THBS2: variants seen among roughly 807,000 people sequenced by gnomAD.
THBS2 encodes the protein thrombospondin-2.
THBS2 carries 47 observed loss-of-function variants against 135.2 expected under a neutral mutation model. That is an observed-to-expected ratio of 0.35 (90% CI 0.28 to 0.44). The LOEUF (loss-of-function observed/expected upper bound fraction) is 0.44, where lower values mean the gene tolerates loss of function less well. Among genes scored for constraint, THBS2 ranks in the 20% least tolerant of loss-of-function variants. The pLI, the probability that THBS2 is intolerant of heterozygous loss-of-function variation, is 1.00. For missense variants in THBS2, 1,288 were observed against 1,603.1 expected (o/e 0.80, Z 3.36); for synonymous variants, 639 against 633.8 (o/e 1.01, Z -0.12).
intron 8 of THBS2, 87 bp from the exon 9 acceptor site, chr6:169,237,433 T>C: frequency 6.5e-7 from 1 of 1,527,410 alleles, no homozygotes; most frequent in Non-Finnish European, 9.0e-7. Flanking sequence ...CCGAGGAGCA[T>C]CTCACAGCTG....
At chr6:169,242,717 C>A (rs1176650147) in intron 4 of THBS2, among the ~76,000 whole-genome samples, 8 of 79,536 alleles carry the variant, frequency 1.0e-4, no homozygotes, top group African/African-American at 3.9e-4. Flanking sequence ...CCACTCCCAC[C>A]TTCCCACCTT....
intron 9 of THBS2, among the ~76,000 whole-genome samples, chr6:169,235,362 C>T (rs1583412871): frequency 1.3e-5 from 2 of 151,714 alleles, no homozygotes; most frequent in African/African-American, 4.8e-5. Flanking sequence ...AGCTCCTCGC[C>T]AAGCTGTCCC....
chr6:169,236,323 ACTCCCCCATCCACACTCAC>A (rs1780064940), intron 9 of THBS2, among the ~76,000 whole-genome samples: 1 of 26,490 alleles, frequency 3.8e-5, no homozygotes. Flanking sequence ...ATCCACACTC[ACTCCCCCATCCACACTCAC>A]TCCCCATCCA....
intron 21 of THBS2, among the ~76,000 whole-genome samples, chr6:169,219,102 G>T (rs1779316539): frequency 6.6e-6 from 1 of 151,446 alleles, no homozygotes; most frequent in Admixed American, 6.6e-5. Context: ...TGGATGGATG[G>T]ATGGATGAGT....
intron 6 of THBS2, 27 bp from the exon 7 acceptor site, chr6:169,239,722 A>G (rs776460530): frequency 6.5e-7 from 1 of 1,545,810 alleles, no homozygotes; most frequent in East Asian, 2.3e-5. Flanking sequence ...GCATGCATGG[A>G]ACACTCATTT....
rs1448304784 is a variant in THBS2, at chr6:169,241,785, G to A, written c.868C>T (p.Leu290Phe). 6.2e-7 allele frequency: 1 copy of A among 1,610,828 alleles called. No individual in the cohort carries two copies. Among genetic ancestry groups the A allele is most frequent in the Admixed American group, 1.7e-5 (1 of 59,946 alleles). ...LSGLHVLVNQ[L>F]SENLKRVSND... The stretch of plus-strand genomic sequence containing the variant: ...ACCACTCTCTTGAGGTTCTCGCTGA[G>A]CTGGTTCACGAGGACGTGGAGCCCC... The change falls in exon 5 of 22, where the codon CTC (leucine) becomes TTC (phenylalanine). Residue 290 changes from leucine to phenylalanine, a missense_variant. Around this residue, in one of 2 missense-constraint regions of THBS2, gnomAD observed 414 missense variants for 447.0 expected, o/e 0.93. Transcript: ENST00000617924. The surrounding 1 kb of genome is among the most constrained non-coding windows in gnomAD (Gnocchi z 5.5).
At chr6:169,249,302 G>T (rs997781117) in intron 2 of THBS2, among the ~76,000 whole-genome samples, 2 of 152,126 alleles carry the variant, frequency 1.3e-5, no homozygotes, top group African/African-American at 4.8e-5. Context: ...CTGGCCCTTT[G>T]CATAGCCCGA....
intron 7 of THBS2, among the ~76,000 whole-genome samples, chr6:169,238,860 C>T (rs1043340534): frequency 6.6e-6 from 1 of 152,122 alleles, no homozygotes; most frequent in Non-Finnish European, 1.5e-5. Flanking sequence ...TTGGGAGAAG[C>T]GTTGCCTGAT....
chr6:169,237,048 G>A (rs964205766), intron 9 of THBS2, 122 bp downstream of exon 9: 58 of 1,154,880 alleles, frequency 5.0e-5, no homozygotes, highest in African/African-American at 1.6e-4. Context: ...TTTGCTGCTC[G>A]GCTGGGGCTG....
chr6:169,226,099 A>G, intron 16 of THBS2, 81 bp downstream of exon 16: 2 of 1,435,676 alleles, frequency 1.4e-6, no homozygotes, highest in Non-Finnish European at 1.9e-6. Flanking sequence ...GGCAGTTGTC[A>G]CAGTGATCCC....
At chr6:169,237,476 GC>G in intron 8 of THBS2, 130 bp from the exon 9 acceptor site, 1 of 1,490,594 alleles carries the variant, frequency 6.7e-7, no homozygotes, top group Non-Finnish European at 9.2e-7. Flanking sequence ...CCTCCCATCA[GC>G]TGGGAGAAAG....
intron 1 of THBS2, among the ~76,000 whole-genome samples, 192 bp downstream of exon 1, chr6:169,253,532 C>T (rs1177088145): frequency 6.6e-6 from 1 of 152,232 alleles, no homozygotes; most frequent in East Asian, 1.9e-4. Flanking sequence ...ACGTGCCTTG[C>T]TCTTCAAGCG....
chr6:169,234,801 G>A lies in THBS2; in HGVS notation c.1584C>T (p.Tyr528=), dbSNP rs34987335. The part of the protein sequence containing the change: ...TRVCNSPEPQ[Y]GGKACVGDVQ... ...CATCCCCCACGCAGGCCTTCCCTCC[G>A]TACTGAGGCTCAGGGCTGTTGCAGA... Residue 528 remains tyrosine (Y), a synonymous_variant, in exon 10 of 22, where the codon TAC becomes TAT. Transcript: ENST00000617924. 0.048 allele frequency: 76,855 copies of A among 1,612,842 alleles called. 2,053 individuals are homozygous for A. Among genetic ancestry groups the A allele is most frequent in the Non-Finnish European group, 0.056 (66,522 of 1,179,440 alleles).
At chr6:169,240,657 TG>T in intron 5 of THBS2, 65 bp from the exon 6 acceptor site, 2 of 1,554,632 alleles carry the variant, frequency 1.3e-6, no homozygotes, top group Non-Finnish European at 1.7e-6. Flanking sequence ...ATCATGCTTG[TG>T]GATGAAAAAC....
chr6:169,237,048 G>C, intron 9 of THBS2, 122 bp downstream of exon 9: 3 of 1,154,996 alleles, frequency 2.6e-6, no homozygotes, highest in East Asian at 2.6e-5. Context: ...TTTGCTGCTC[G>C]GCTGGGGCTG....
chr6:169,216,112 C>T lies in THBS2; in HGVS notation c.*1710G>A, dbSNP rs1227250509. ...CATTTAATGAAGTATCCCAACGCTTCGTTGGTCTCGGGAATACAGCTCCAC... is the reference window on the plus strand; with the variant it reads ...CATTTAATGAAGTATCCCAACGCTTTGTTGGTCTCGGGAATACAGCTCCAC... On this transcript the variant is annotated 3_prime_UTR_variant, in exon 22 of 22. Transcript: ENST00000617924. 6.6e-6 allele frequency: 1 copy of T among 152,108 alleles called. No homozygotes were observed. The highest frequency in any genetic ancestry group is 1.5e-5 in the Non-Finnish European group (1 of 68,028). 9.4% of individuals were successfully genotyped at this position (152,108 alleles called of 1,614,324 possible).
intron 2 of THBS2, among the ~76,000 whole-genome samples, chr6:169,249,307 G>C (rs1336163720): frequency 6.6e-6 from 1 of 152,142 alleles, no homozygotes; most frequent in Admixed American, 6.5e-5. Context: ...CCTTTGCATA[G>C]CCCGACCTTC....
At chr6:169,227,160 G>A (rs1376910545) in intron 15 of THBS2, among the ~76,000 whole-genome samples, 4 of 152,192 alleles carry the variant, frequency 2.6e-5, no homozygotes, top group Admixed American at 1.3e-4. Context: ...AGCAGGTTGG[G>A]GTGGCTCAGA....
rs1464162828 is a variant in THBS2, at chr6:169,216,863, T to TATC, written c.*956_*958dup. The TATC allele has an allele frequency of 6.6e-6, 1 of 152,248 alleles. No individual in the cohort carries two copies. Among genetic ancestry groups the TATC allele is most frequent in the Non-Finnish European group, 1.5e-5 (1 of 68,038 alleles). 9.4% of individuals were successfully genotyped at this position (152,248 alleles called of 1,614,324 possible). ...TTATAACTGGAACCTTAATGAAATG[T>TATC]ATCATCAAATCAGGTAAAAGCAACT... is the stretch of plus-strand genomic sequence containing the variant. On this transcript the variant is annotated 3_prime_UTR_variant, in exon 22 of 22. Coordinates refer to ENST00000617924, the MANE Select transcript of THBS2 (RefSeq NM_003247.5).
Sources: allele counts gnomAD v4.1 joint callset (sites outside exome capture counted in the v4.1 genomes callset), GRCh38; gene constraint gnomAD v4.1.1; regional missense constraint gnomAD v4.1.1; non-coding constraint Gnocchi (gnomAD v3.1); transcripts MANE v1.5; gene names NCBI Gene and HGNC (gene_info 2026-07-23, HGNC 2026-07-21).